LRBA: variants seen among roughly 807,000 people sequenced by gnomAD.
LRBA encodes the protein lipopolysaccharide-responsive and beige-like anchor protein.
Under a neutral mutation model 330.0 loss-of-function variants are expected in LRBA, and 176 were observed. The observed-to-expected ratio is 0.53, with a 90% CI of 0.47 to 0.60. The LOEUF (loss-of-function observed/expected upper bound fraction) is 0.60. LRBA is among the 20% of genes least tolerant of loss of function. The pLI, the probability that LRBA is intolerant of heterozygous loss-of-function variation, is 0.00. For missense variants in LRBA, 3,259 were observed against 3,444.8 expected (o/e 0.95, Z 1.35); for synonymous variants, 1,230 against 1,193.0 (o/e 1.03, Z -0.64).
chr4:150,422,438 T>C (rs1476684831), intron 46 of LRBA, among the ~76,000 whole-genome samples: 1 of 151,892 alleles, frequency 6.6e-6, no homozygotes, highest in Non-Finnish European at 1.5e-5. Context: ...AATTAACAAC[T>C]AGAAAAGGAA....
chr4:150,381,341 A>G (rs1742235450), intron 47 of LRBA, among the ~76,000 whole-genome samples: 1 of 152,162 alleles, frequency 6.6e-6, no homozygotes, highest in Non-Finnish European at 1.5e-5. Flanking sequence ...CCGTACCTAT[A>G]TGGCACTCAC....
chr4:150,884,299 A>G (rs1464523051), intron 17 of LRBA, among the ~76,000 whole-genome samples: 1 of 132,992 alleles, frequency 7.5e-6, no homozygotes, highest in East Asian at 2.2e-4. Flanking sequence ...CAGACCAGTT[A>G]GATATTTACT....
At chr4:150,940,170 G>A (rs1312242189) in intron 2 of LRBA, among the ~76,000 whole-genome samples, 3 of 151,824 alleles carry the variant, frequency 2.0e-5, no homozygotes, top group Non-Finnish European at 2.9e-5. Flanking sequence ...TTGGGAGGCT[G>A]AGGCAGGAGG....
chr4:150,438,625 G>C (rs1298115897), intron 44 of LRBA, among the ~76,000 whole-genome samples: 1 of 152,014 alleles, frequency 6.6e-6, no homozygotes, highest in Admixed American at 6.6e-5. Context: ...ATTATTTGTG[G>C]AGAAAATGTT....
intron 36 of LRBA, among the ~76,000 whole-genome samples, chr4:150,710,964 A>G (rs112755233): frequency 0.01 from 1,575 of 152,042 alleles, 22 homozygotes; most frequent in African/African-American, 0.036. Context: ...ATGTCCCCCA[A>G]AAAGCAAGTT....
At chr4:150,764,860 T>G (rs1735544015) in intron 34 of LRBA, among the ~76,000 whole-genome samples, 1 of 152,208 alleles carries the variant, frequency 6.6e-6, no homozygotes, top group East Asian at 1.9e-4. Context: ...GACAGTTTGA[T>G]GGTTCCTAAC....
intron 36 of LRBA, among the ~76,000 whole-genome samples, chr4:150,733,576 TCACACA>T (rs34846017): frequency 4.8e-5 from 7 of 145,470 alleles, no homozygotes; most frequent in African/African-American, 1.7e-4. Flanking sequence ...TCTCTCTCTC[TCACACA>T]CACACACACA....
At chr4:150,295,773 T>C (rs1205432408) in intron 53 of LRBA, among the ~76,000 whole-genome samples, 1 of 152,228 alleles carries the variant, frequency 6.6e-6, no homozygotes, top group Non-Finnish European at 1.5e-5. Context: ...TATCCCTCCA[T>C]GTCAATATTA....
chr4:150,320,192 C>G (rs1732290944), intron 50 of LRBA, among the ~76,000 whole-genome samples: 1 of 152,154 alleles, frequency 6.6e-6, no homozygotes, highest in Admixed American at 6.6e-5. Context: ...GGCTCAAACT[C>G]CGCCACTGAC....
intron 45 of LRBA, 91 bp from the exon 46 acceptor site, chr4:150,435,799 T>C: frequency 1.1e-6 from 1 of 878,478 alleles, no homozygotes; most frequent in Non-Finnish European, 1.7e-6. Flanking sequence ...CTTTAATGAC[T>C]AATAGGCATT....
intron 22 of LRBA, among the ~76,000 whole-genome samples, chr4:150,859,604 T>C (rs186326139): frequency 2.6e-5 from 4 of 152,332 alleles, no homozygotes; most frequent in Admixed American, 2.6e-4. Context: ...AGCCTATTAC[T>C]GCTTATAAAA....
At chr4:150,999,670 C>T (rs2149647393) in intron 2 of LRBA, among the ~76,000 whole-genome samples, 1 of 150,918 alleles carries the variant, frequency 6.6e-6, no homozygotes, top group South Asian at 2.1e-4. Flanking sequence ...ACACTACTGG[C>T]ATGAACAACA....
intron 17 of LRBA, among the ~76,000 whole-genome samples, chr4:150,881,814 C>T (rs1198996110): frequency 2.0e-5 from 3 of 152,274 alleles, no homozygotes; most frequent in Non-Finnish European, 4.4e-5. Flanking sequence ...GGGCTGGGCG[C>T]GGTGGCTCAC....
chr4:150,573,217 C>T (rs1770091876), intron 40 of LRBA, among the ~76,000 whole-genome samples: 1 of 152,190 alleles, frequency 6.6e-6, no homozygotes. Context: ...TTGCATTGCA[C>T]TTTCACGCCA....
intron 36 of LRBA, among the ~76,000 whole-genome samples, chr4:150,724,777 T>C (rs1729428803): frequency 6.7e-6 from 1 of 149,942 alleles, no homozygotes; most frequent in African/African-American, 2.5e-5. Context: ...GGAGGTGGAG[T>C]TTACAGTGAG....
chr4:150,383,582 A>G (rs1742607841), intron 47 of LRBA, among the ~76,000 whole-genome samples: 1 of 152,096 alleles, frequency 6.6e-6, no homozygotes, highest in Admixed American at 6.6e-5. Flanking sequence ...AAACAAACAC[A>G]CTTTTTTTGA....
At chr4:150,276,829 A>T (rs1423208810) in intron 56 of LRBA, among the ~76,000 whole-genome samples, 2 of 152,206 alleles carry the variant, frequency 1.3e-5, no homozygotes, top group African/African-American at 2.4e-5. Context: ...CGTTGGTGGG[A>T]GTGTAAATTA....
rs543377413 is a variant in LRBA, at chr4:150,789,696, A to C, written c.5580+8385T>G. Among the ~76,000 whole-genome samples the C allele has an allele frequency of 1.2e-3, 187 of 152,328 alleles. 1 individual carries two copies. Among genetic ancestry groups the C allele is most frequent in the Non-Finnish European group, 2.5e-3 (168 of 68,026 alleles). ...CTAAAACTTCTAAAAGTTATCAGAGAGTTTGGTATTAAACAAAGGCAATCT... is the reference window on the plus strand; with the variant it reads ...CTAAAACTTCTAAAAGTTATCAGAGCGTTTGGTATTAAACAAAGGCAATCT... On this transcript the variant is annotated intron_variant, in intron 34 of 56. Transcript: ENST00000651943.
chr4:150,864,938 C>T (rs529869965), intron 22 of LRBA, among the ~76,000 whole-genome samples: 1 of 152,188 alleles, frequency 6.6e-6, no homozygotes, highest in African/African-American at 2.4e-5. Context: ...GCCTGGCCTC[C>T]CTCCCAAGGT....
Sources: gnomAD v4.1 joint callset for allele counts (sites outside exome capture counted in the v4.1 genomes callset) on GRCh38, gnomAD v4.1.1 for gene constraint, MANE v1.5 for transcripts, NCBI Gene and HGNC (gene_info 2026-07-23, HGNC 2026-07-21) for gene names.